NOX4: variants seen among roughly 807,000 people sequenced by gnomAD.
NOX4 encodes the protein NADPH oxidase 4.
A neutral mutation model predicts 87.6 loss-of-function variants in NOX4; 69 were observed. That is an observed-to-expected ratio of 0.79 (90% CI 0.65 to 0.96). NOX4 has a LOEUF of 0.96. Ranked by LOEUF, NOX4 falls within the 40% of genes least tolerant of loss-of-function variation. NOX4 has a pLI of 0.00. For synonymous variants in NOX4, 275 were observed against 238.2 expected, an observed-to-expected ratio of 1.15 and a Z score of -1.42; for missense variants, 680 against 681.5, an observed-to-expected ratio of 1.00 and a Z score of 0.02.
chr11:89,579,778 A>G, the NOX4 span, among the ~76,000 whole-genome samples: 3 of 152,182 alleles, frequency 2.0e-5, no homozygotes, highest in Non-Finnish European at 4.4e-5. Context: ...CTTTTTCTGT[A>G]AAACAAAAGC....
chr11:89,456,483 ACT>A (rs938335795), intron 2 of NOX4, among the ~76,000 whole-genome samples: 2 of 152,190 alleles, frequency 1.3e-5, no homozygotes, highest in African/African-American at 4.8e-5. Flanking sequence ...AGACTAGCAA[ACT>A]CTGAGCAGAT....
chr11:89,556,381 G>A, the NOX4 span, among the ~76,000 whole-genome samples: 1 of 152,026 alleles, frequency 6.6e-6, no homozygotes, highest in Non-Finnish European at 1.5e-5. Flanking sequence ...AAATTAGCTG[G>A]GCATGGTGGC....
chr11:89,430,821 C>T (rs1273371232), intron 7 of NOX4, among the ~76,000 whole-genome samples: 1 of 152,134 alleles, frequency 6.6e-6, no homozygotes, highest in East Asian at 1.9e-4. Context: ...ATCAAGCTAC[C>T]AATGACTTTC....
intron 13 of NOX4, among the ~76,000 whole-genome samples, chr11:89,350,818 T>A (rs1946424855): frequency 6.6e-6 from 1 of 152,194 alleles, no homozygotes; most frequent in Non-Finnish European, 1.5e-5. Flanking sequence ...TGACTGCAAC[T>A]ACCAACCATT....
In NOX4 at chr11:89,353,438, G is replaced by C. The variant is rs1937722653; in HGVS notation, c.1217+1524C>G. Among the ~76,000 whole-genome samples the C allele has an allele frequency of 2.0e-5, 3 of 152,088 alleles. No homozygotes were observed. The South Asian group carries it at 6.2e-4, about 31-fold the overall frequency. On this transcript the variant is annotated intron_variant, in intron 13 of 17. Transcript: ENST00000263317. ...GCAAAAAGTTTATGACTTGCTGAAG[G>C]CTTAGATGATTGTTAGCATTTTTAA...
At chr11:89,471,680 A>G (rs756759300) in intron 2 of NOX4, among the ~76,000 whole-genome samples, 2 of 152,200 alleles carry the variant, frequency 1.3e-5, no homozygotes, top group Non-Finnish European at 2.9e-5. Flanking sequence ...ATGACATTTC[A>G]GTGAAGGACT....
At chr11:89,397,380 T>C (rs772544965) in intron 11 of NOX4, among the ~76,000 whole-genome samples, 6 of 152,206 alleles carry the variant, frequency 3.9e-5, no homozygotes, top group Non-Finnish European at 7.4e-5. Context: ...AGGTCTAAAA[T>C]TGGCACCCTA....
intron 2 of NOX4, among the ~76,000 whole-genome samples, chr11:89,479,932 G>C (rs1946323138): frequency 6.6e-6 from 1 of 152,030 alleles, no homozygotes; most frequent in South Asian, 2.1e-4. Context: ...GCATATGTGG[G>C]GGATTGGTTC....
At chr11:89,388,871 A>G (rs1488642464) in intron 11 of NOX4, among the ~76,000 whole-genome samples, 1 of 152,202 alleles carries the variant, frequency 6.6e-6, no homozygotes, top group Non-Finnish European at 1.5e-5. Flanking sequence ...AGAGTTTACT[A>G]TATTCCAAGC....
chr11:89,543,186 A>C, the NOX4 span, among the ~76,000 whole-genome samples: 2 of 152,224 alleles, frequency 1.3e-5, no homozygotes, highest in African/African-American at 4.8e-5. Context: ...CTTCACTTGT[A>C]CTGCCTAAAT....
At chr11:89,452,466 G>C (rs55914239) in intron 2 of NOX4, among the ~76,000 whole-genome samples, 3,284 of 152,196 alleles carry the variant, frequency 0.022, 111 homozygotes, top group African/African-American at 0.069. Context: ...GAAACTAGGA[G>C]AGAACCCACT....
At position 89,326,491 on chromosome 11, in the gene NOX4, T is replaced by A. The variant is rs1303555155; in HGVS notation, c.*265A>T. 7.8e-6 allele frequency: 2 copies of A among 257,480 alleles called. No homozygotes were observed. Among genetic ancestry groups the A allele is most frequent in the Non-Finnish European group, 1.5e-5 (2 of 135,608 alleles). The allele number at this position is 257,480 out of a possible 1,614,324, so 15.9% of individuals were successfully genotyped here. A position where few individuals can be genotyped will look rare whatever the true frequency, so the allele number is the denominator to read the frequency against. On this transcript the variant is annotated 3_prime_UTR_variant, in exon 18 of 18. Coordinates refer to ENST00000263317, the MANE Select transcript of NOX4 (RefSeq NM_016931.5). ...TTGAATCCACCATGAAAATCAACAG[T>A]GTGCATCTAACAGTTTTCTTTTAAT...
intron 8 of NOX4, among the ~76,000 whole-genome samples, chr11:89,404,587 A>C (rs769476591): frequency 7.9e-5 from 12 of 152,290 alleles, no homozygotes; most frequent in Non-Finnish European, 1.5e-4. Flanking sequence ...AACTGCATGA[A>C]CTAGGATCAT....
At chr11:89,501,906 T>C (rs936337436), upstream of NOX4, among the ~76,000 whole-genome samples, 1 of 152,088 alleles carries the variant, frequency 6.6e-6, no homozygotes, top group Non-Finnish European at 1.5e-5. Flanking sequence ...TTTTCAGTTT[T>C]TATGTTTCTG....
intron 14 of NOX4, among the ~76,000 whole-genome samples, chr11:89,340,902 G>A (rs973091678): frequency 6.6e-6 from 1 of 151,868 alleles, no homozygotes; most frequent in African/African-American, 2.4e-5. Flanking sequence ...TTTACATCTA[G>A]TATTTAAAAC....
the NOX4 span, among the ~76,000 whole-genome samples, chr11:89,548,963 C>T: frequency 6.6e-6 from 1 of 152,170 alleles, no homozygotes; most frequent in Non-Finnish European, 1.5e-5. Context: ...AAAAAAGTCT[C>T]ATAAAGGTTT....
At position 89,337,400 on chromosome 11, in the gene NOX4, C is replaced by T. The variant is rs528314956; in HGVS notation, c.1515+47G>A. Reference sequence around the variant, plus strand: ...TTCCACCACAGCTCCTACAGTAAATCTATTATCAAGAGGCTTGTTTAATTT... The same window carrying T: ...TTCCACCACAGCTCCTACAGTAAATTTATTATCAAGAGGCTTGTTTAATTT... On this transcript the variant is annotated intron_variant, in intron 16 of 17. Transcript: ENST00000263317. The T allele has an allele frequency of 5.0e-6, 8 of 1,608,772 alleles. No individual in the cohort carries two copies. In the South Asian group the frequency reaches 7.7e-5, roughly 16 times the overall value.
At chr11:89,338,875 G>T (rs986970576) in intron 15 of NOX4, among the ~76,000 whole-genome samples, 1 of 152,022 alleles carries the variant, frequency 6.6e-6, no homozygotes, top group Admixed American at 6.6e-5. Flanking sequence ...TACTGTTTAC[G>T]CTGCTTTACT....
chr11:89,409,255 C>T (rs907934031), intron 8 of NOX4, among the ~76,000 whole-genome samples: 1 of 152,058 alleles, frequency 6.6e-6, no homozygotes, highest in Non-Finnish European at 1.5e-5. Context: ...TCCTCCTTTC[C>T]CCCAACTTTC....
Sources: allele counts gnomAD v4.1 joint callset (sites outside exome capture counted in the v4.1 genomes callset), GRCh38; gene constraint gnomAD v4.1.1; transcripts MANE v1.5; gene names NCBI Gene and HGNC (gene_info 2026-07-23, HGNC 2026-07-21).